CFAP70: variants seen among roughly 807,000 people sequenced by gnomAD.
CFAP70 encodes the protein cilia and flagella associated protein 70, also known as cilia- and flagella-associated protein 70.
Under a neutral mutation model 137.6 loss-of-function variants are expected in CFAP70, and 81 were observed. That is an observed-to-expected ratio of 0.59 (90% CI 0.49 to 0.71). The LOEUF (loss-of-function observed/expected upper bound fraction) is 0.71, where lower values mean the gene tolerates loss of function less well. CFAP70 is among the 30% of genes least tolerant of loss of function. The probability of loss-of-function intolerance (pLI) is 0.00; values close to 1 mark genes in which losing one functional copy is unlikely to be tolerated. For missense variants in CFAP70, 976 were observed against 1,226.7 expected, an observed-to-expected ratio of 0.80 and a Z score of 3.05; for synonymous variants, 382 against 423.6, an observed-to-expected ratio of 0.90 and a Z score of 1.20.
At chr10:73,292,879 G>C (rs1411574270) in intron 16 of CFAP70, among the ~76,000 whole-genome samples, 1 of 151,850 alleles carries the variant, frequency 6.6e-6, no homozygotes, top group Non-Finnish European at 1.5e-5. Context: ...ATCATGCTTC[G>C]GTGTCACGTC....
intron 6 of CFAP70, among the ~76,000 whole-genome samples, chr10:73,340,992 C>CT (rs2053200751): frequency 6.6e-6 from 1 of 152,182 alleles, no homozygotes; most frequent in South Asian, 2.1e-4. Context: ...CCAGTCAGGA[C>CT]TCCCCCACTG....
intron 18 of CFAP70, 73 bp downstream of exon 19, chr10:73,291,567 G>A: frequency 4.7e-6 from 7 of 1,494,856 alleles, no homozygotes; most frequent in Non-Finnish European, 6.4e-6. Context: ...ATGAGCCATT[G>A]AAGAAGAGAA....
intron 4 of CFAP70, among the ~76,000 whole-genome samples, 176 bp downstream of exon 5, chr10:73,347,980 G>C (rs879631709): frequency 6.6e-6 from 1 of 152,128 alleles, no homozygotes; most frequent in Non-Finnish European, 1.5e-5. Context: ...GTAGACTGTG[G>C]GCTTTTCAAA....
At chr10:73,291,119 A>T (rs1433169973) in intron 19 of CFAP70, 107 bp downstream of exon 20, 5 of 924,800 alleles carry the variant, frequency 5.4e-6, no homozygotes, top group Non-Finnish European at 8.5e-6. Context: ...GGCTCAAGTG[A>T]TCCTCCCATC....
chr10:73,324,832 T>C (rs1201640859), intron 8 of CFAP70, among the ~76,000 whole-genome samples: 1 of 152,106 alleles, frequency 6.6e-6, no homozygotes, highest in Non-Finnish European at 1.5e-5. Context: ...AATATGGGAC[T>C]ATGTGAAAAG....
intron 10 of CFAP70, among the ~76,000 whole-genome samples, 154 bp from the exon 12 acceptor site, chr10:73,312,068 A>C (rs1259796211): frequency 6.6e-6 from 1 of 152,220 alleles, no homozygotes; most frequent in Non-Finnish European, 1.5e-5. Flanking sequence ...TGAAGCTGGA[A>C]ACCATCATTC....
chr10:73,309,720 G>A (rs753924390), intron 12 of CFAP70, among the ~76,000 whole-genome samples: 62 of 151,016 alleles, frequency 4.1e-4, no homozygotes, highest in Non-Finnish European at 8.4e-4. Flanking sequence ...GCAGTGGTGC[G>A]ATCTCGGCTC....
chr10:73,291,618 C>A, intron 18 of CFAP70, 22 bp downstream of exon 19: 1 of 1,593,142 alleles, frequency 6.3e-7, no homozygotes, highest in South Asian at 1.1e-5. Flanking sequence ...AAAACACATT[C>A]AGATTACAAG....
At chr10:73,256,480 T>C (rs2044508171) in intron 25 of CFAP70, 64 bp from the exon 27 acceptor site, 2 of 1,581,888 alleles carry the variant, frequency 1.3e-6, no homozygotes, top group African/African-American at 2.7e-5. Flanking sequence ...GGAAAATACA[T>C]TGCCTCAGCT....
rs928133198 is a variant in CFAP70, at chr10:73,292,153, T to A, written c.1771-139A>T. 16 of 1,036,104 alleles carry A rather than the reference T, an allele frequency of 1.5e-5. No individual in the cohort carries two copies. The South Asian group carries it at 2.6e-4, about 17-fold the overall frequency. The allele number at this position is 1,036,104 out of a possible 1,614,324, so 64.2% of individuals were successfully genotyped here. ...CTTCTTTTTTGCTTATCACTGAATC[T>A]CAAATGCCTAGTGCAATCACTGTTC... On this transcript the variant is annotated intron_variant, in intron 16 of 26. Transcript: ENST00000310715.
intron 9 of CFAP70, among the ~76,000 whole-genome samples, chr10:73,313,587 AAT>A (rs2050109545): frequency 6.6e-6 from 1 of 151,352 alleles, no homozygotes; most frequent in African/African-American, 2.4e-5. Flanking sequence ...TCACACCTGT[AAT>A]CCCAGCACTT....
chr10:73,262,003 CATATGTATATATGTATATATTAT>C (rs1564744650), intron 25 of CFAP70, among the ~76,000 whole-genome samples: 13 of 132,336 alleles, frequency 9.8e-5, no homozygotes, highest in South Asian at 4.6e-4. Context: ...TATATGTATA[CATATGTATATATGTATATATTAT>C]ATATGTATAT....
At chr10:73,350,068 T>C (rs542188957) in intron 3 of CFAP70, among the ~76,000 whole-genome samples, 17 of 152,364 alleles carry the variant, frequency 1.1e-4, no homozygotes, top group Middle Eastern at 3.4e-3. Context: ...GTAGCTGGTC[T>C]GTTCAAAGAC....
intron 12 of CFAP70, among the ~76,000 whole-genome samples, chr10:73,300,678 C>T (rs1458393998): frequency 6.6e-6 from 1 of 152,042 alleles, no homozygotes; most frequent in Non-Finnish European, 1.5e-5. Context: ...GCCTGAGAAA[C>T]ATAGTGAAAT....
At chr10:73,259,049 C>T (rs939211887) in intron 25 of CFAP70, among the ~76,000 whole-genome samples, 3 of 152,078 alleles carry the variant, frequency 2.0e-5, no homozygotes, top group Non-Finnish European at 4.4e-5. Context: ...TCTCTGTGAC[C>T]CACACCCTAT....
At chr10:73,333,713 G>A (rs1036814795) in intron 7 of CFAP70, among the ~76,000 whole-genome samples, 2 of 152,158 alleles carry the variant, frequency 1.3e-5, no homozygotes, top group African/African-American at 2.4e-5. Context: ...AAAAATGAGA[G>A]GAGTTTCTGG....
At chr10:73,257,762 AATG>A (rs1311117490) in intron 25 of CFAP70, among the ~76,000 whole-genome samples, 1 of 152,190 alleles carries the variant, frequency 6.6e-6, no homozygotes, top group Non-Finnish European at 1.5e-5. Flanking sequence ...CAGAGGCCCA[AATG>A]ATGTCAGGAT....
chr10:73,331,137 T>C, intron 8 of CFAP70, 40 bp downstream of exon 9: 2 of 1,442,066 alleles, frequency 1.4e-6, no homozygotes, highest in Non-Finnish European at 1.9e-6. Flanking sequence ...GGTCTGATTC[T>C]ACATTTCTTA....
intron 7 of CFAP70, 108 bp downstream of exon 8, chr10:73,335,322 A>C: frequency 1.5e-6 from 1 of 648,958 alleles, no homozygotes; most frequent in Non-Finnish European, 2.6e-6. Context: ...AGAAAGTCTC[A>C]ATCTAAAATC....
Sources: allele counts gnomAD v4.1 joint callset (sites outside exome capture counted in the v4.1 genomes callset), GRCh38; gene constraint gnomAD v4.1.1; transcripts MANE v1.5; gene names NCBI Gene and HGNC (gene_info 2026-07-23, HGNC 2026-07-21).